Variants in AOPEP observed in about 807,000 individuals in gnomAD.
AOPEP encodes the protein aminopeptidase O.
In AOPEP, 77 loss-of-function variants were observed where a neutral mutation model predicts 98.1. That is an observed-to-expected ratio of 0.78 (90% CI 0.65 to 0.95). The LOEUF is 0.95. Ranked by LOEUF, AOPEP falls within the 40% of genes least tolerant of loss-of-function variation. The pLI is 0.00. For missense variants in AOPEP, 1,024 were observed against 1,024.7 expected (o/e 1.00, Z 0.01); for synonymous variants, 346 against 365.3 (o/e 0.95, Z 0.60).
chr9:94,859,039 A>C (rs1200550131), intron 5 of AOPEP, among the ~76,000 whole-genome samples: 2 of 149,640 alleles, frequency 1.3e-5, no homozygotes, highest in Non-Finnish European at 2.9e-5. Context: ...AAAAAAAAGA[A>C]GACCTGGAAG....
At chr9:94,987,391 A>T (rs995777535) in intron 11 of AOPEP, among the ~76,000 whole-genome samples, 4 of 152,234 alleles carry the variant, frequency 2.6e-5, no homozygotes, top group African/African-American at 9.6e-5. Flanking sequence ...AGTGTGACAT[A>T]ACCAAGGTGT....
chr9:95,011,524 G>A (rs923095598), intron 13 of AOPEP, among the ~76,000 whole-genome samples: 3 of 151,962 alleles, frequency 2.0e-5, no homozygotes, highest in Non-Finnish European at 2.9e-5. Flanking sequence ...TAAGACTGCC[G>A]TTTTGCTGGG....
chr9:95,029,985 T>G (rs1323052538), intron 13 of AOPEP, among the ~76,000 whole-genome samples: 1 of 152,228 alleles, frequency 6.6e-6, no homozygotes, highest in Non-Finnish European at 1.5e-5. Flanking sequence ...ATGATTCTGG[T>G]CTCTGCATAA....
intron 11 of AOPEP, among the ~76,000 whole-genome samples, chr9:94,999,363 A>G (rs1334355222): frequency 6.6e-6 from 1 of 152,210 alleles, no homozygotes; most frequent in Admixed American, 6.5e-5. Flanking sequence ...GCCTGGTTAA[A>G]CAGGGTCACA....
At chr9:95,045,012 T>C (rs1229414386) in intron 13 of AOPEP, among the ~76,000 whole-genome samples, 1 of 152,144 alleles carries the variant, frequency 6.6e-6, no homozygotes, top group Non-Finnish European at 1.5e-5. Context: ...TTTATATTCA[T>C]GCTCAGAAAC....
chr9:94,744,482 C>T (rs1164334662), intron 1 of AOPEP, among the ~76,000 whole-genome samples: 1 of 151,922 alleles, frequency 6.6e-6, no homozygotes, highest in Non-Finnish European at 1.5e-5. Context: ...GGGCGGATCA[C>T]CTGAGGTTGG....
At chr9:94,981,327 T>C (rs1589154792) in intron 11 of AOPEP, among the ~76,000 whole-genome samples, 2 of 152,190 alleles carry the variant, frequency 1.3e-5, no homozygotes, top group African/African-American at 2.4e-5. Context: ...CAGCTTATAG[T>C]GTAGACAAGA....
chr9:94,922,273 C>T (rs894641170), intron 5 of AOPEP, among the ~76,000 whole-genome samples: 1 of 152,194 alleles, frequency 6.6e-6, no homozygotes, highest in South Asian at 2.1e-4. Flanking sequence ...AGTCTTAGAG[C>T]GATTTCGCAG....
downstream of AOPEP, among the ~76,000 whole-genome samples, chr9:95,089,879 G>T (rs2070842375): frequency 1.3e-5 from 2 of 152,238 alleles, no homozygotes; most frequent in Non-Finnish European, 2.9e-5. Flanking sequence ...GAAACTGACA[G>T]GAACAACCTT....
chr9:94,740,931 C>T (rs543218015), intron 1 of AOPEP, among the ~76,000 whole-genome samples: 3 of 152,124 alleles, frequency 2.0e-5, no homozygotes, highest in South Asian at 2.1e-4. Context: ...CAAAGGCTGG[C>T]GCTTAATAAG....
At chr9:94,774,668 C>T (rs1228643965) in intron 3 of AOPEP, among the ~76,000 whole-genome samples, 1 of 151,650 alleles carries the variant, frequency 6.6e-6, no homozygotes, top group African/African-American at 2.4e-5. Flanking sequence ...AGTTTTTTTC[C>T]TGTTATAAAT....
At chr9:95,125,087 T>G in the AOPEP span, 6 of 1,613,370 alleles carry the variant, frequency 3.7e-6, no homozygotes, top group South Asian at 4.4e-5. Context: ...ATAACAAACC[T>G]GCTTGCTTGC....
chr9:94,753,006 A>T (rs1163611710), intron 1 of AOPEP, among the ~76,000 whole-genome samples: 1 of 152,228 alleles, frequency 6.6e-6, no homozygotes, highest in African/African-American at 2.4e-5. Context: ...AACTTATTTA[A>T]GTAAGTTTAA....
At chr9:94,798,809 C>T (rs1425292284) in intron 4 of AOPEP, among the ~76,000 whole-genome samples, 7 of 152,248 alleles carry the variant, frequency 4.6e-5, no homozygotes, top group South Asian at 2.1e-4. Flanking sequence ...TTTCACTTTG[C>T]GAGACCTTTG....
At chr9:94,959,946 A>C (rs2058704667) in intron 9 of AOPEP, among the ~76,000 whole-genome samples, 1 of 152,232 alleles carries the variant, frequency 6.6e-6, no homozygotes. Context: ...AAAAGCAACT[A>C]AAGTGGAGAT....
the AOPEP span, among the ~76,000 whole-genome samples, chr9:95,103,183 G>A: frequency 2.6e-5 from 4 of 152,038 alleles, no homozygotes; most frequent in Admixed American, 6.5e-5. Flanking sequence ...CATGCTGATG[G>A]GCTTGGCCAT....
chr9:95,021,081 G>A (rs887801823), intron 13 of AOPEP, among the ~76,000 whole-genome samples: 12 of 151,994 alleles, frequency 7.9e-5, no homozygotes, highest in African/African-American at 2.9e-4. Flanking sequence ...TGATTTTCAT[G>A]TTTATATATA....
chr9:94,976,081 G>C (rs2138589539), intron 10 of AOPEP, among the ~76,000 whole-genome samples: 1 of 152,252 alleles, frequency 6.6e-6, no homozygotes, highest in Admixed American at 6.5e-5. Flanking sequence ...CTGCAGCAGT[G>C]GTTCTTCAAC....
chr9:94,759,894 A>G lies in AOPEP; in HGVS notation c.111A>G (p.Gln37=), dbSNP rs777602951. 1.5e-5 allele frequency: 24 copies of G among 1,614,080 alleles called. No individual in the cohort carries two copies. The highest frequency in any genetic ancestry group is 8.0e-5 in the African/African-American group (6 of 74,920). ...VLDLDVDFES[Q]VIEGTIVLFL... ...ATTTGGATGTGGATTTTGAAAGTCAAGTCATTGAGGGGACCATAGTGCTTT... is the reference window on the plus strand; with the variant it reads ...ATTTGGATGTGGATTTTGAAAGTCAGGTCATTGAGGGGACCATAGTGCTTT... Residue 37 remains glutamine, a synonymous_variant, in exon 2 of 17, where the codon CAA becomes CAG. Coordinates refer to ENST00000375315, the MANE Select transcript of AOPEP (RefSeq NM_001193329.3).
Sources: gnomAD v4.1 joint callset for allele counts (sites outside exome capture counted in the v4.1 genomes callset) on GRCh38, gnomAD v4.1.1 for gene constraint, MANE v1.5 for transcripts, NCBI Gene and HGNC (gene_info 2026-07-23, HGNC 2026-07-21) for gene names.